The following MAP2 variants were observed in gnomAD, a reference collection of about 807,000 sequenced individuals.
MAP2 encodes the protein microtubule-associated protein 2.
In MAP2, 14 loss-of-function variants were observed where a neutral mutation model predicts 137.6. The observed-to-expected ratio is 0.10, with a 90% CI of 0.07 to 0.16. The LOEUF is 0.16. Among genes scored for constraint, MAP2 ranks in the 10% least tolerant of loss-of-function variants. The pLI, the probability that MAP2 is intolerant of heterozygous loss-of-function variation, is 1.00. For synonymous variants in MAP2, 786 were observed against 782.3 expected, an observed-to-expected ratio of 1.00 and a Z score of -0.08; for missense variants, 2,088 against 2,191.5, an observed-to-expected ratio of 0.95 and a Z score of 0.94.
At chr2:209,656,102 A>G (rs935430674) in intron 5 of MAP2, among the ~76,000 whole-genome samples, 1 of 152,080 alleles carries the variant, frequency 6.6e-6, no homozygotes, top group African/African-American at 2.4e-5. Context: ...CACTCCTTCA[A>G]TGTTCATCTT....
In MAP2 at chr2:209,732,021, T is replaced by C. The variant is rs2075840244; in HGVS notation, c.*1624T>C. On this transcript the variant is annotated 3_prime_UTR_variant, in exon 16 of 16. Coordinates refer to ENST00000682079, the MANE Select transcript of MAP2 (RefSeq NM_001375505.1). ...TACAAATAAGGAATGAAATAGTCAA[T>C]GGCCTGATTAAGGCAAAGAGCTACC... 6.6e-6 allele frequency: 1 copy of C among 152,244 alleles called. No individual in the cohort carries two copies. Among genetic ancestry groups the C allele is most frequent in the Non-Finnish European group, 1.5e-5 (1 of 68,050 alleles). The allele number at this position is 152,244 out of a possible 1,614,324, so 9.4% of individuals were successfully genotyped here. A position where few individuals can be genotyped will look rare whatever the true frequency, so the allele number is the denominator to read the frequency against.
chr2:209,446,596 A>C (rs1460756318), intron 1 of MAP2, among the ~76,000 whole-genome samples: 1 of 151,922 alleles, frequency 6.6e-6, no homozygotes, highest in Non-Finnish European at 1.5e-5. Flanking sequence ...CCAAGGAAAA[A>C]AATTTATGGT....
rs1009288233 is a variant in MAP2 at position 209,700,410 on chromosome 2, T to C, written c.4584+72T>C. On this transcript the variant is annotated intron_variant, in intron 11 of 15. Coordinates refer to ENST00000682079, the MANE Select transcript of MAP2 (RefSeq NM_001375505.1). The stretch of plus-strand genomic sequence containing the variant: ...GTATTAGCTGTAACATCAGAATAAC[T>C]TTTGATATTGTTTAGATATTTACTC... 3 of 1,204,648 alleles carry C rather than the reference T, an allele frequency of 2.5e-6. No individual in the cohort carries two copies. In the African/African-American group the frequency reaches 4.6e-5, roughly 18 times the overall value. The allele number at this position is 1,204,648 out of a possible 1,614,324, so 74.6% of individuals were successfully genotyped here.
At chr2:209,716,054 T>C (rs2067458910) in intron 13 of MAP2, among the ~76,000 whole-genome samples, 1 of 152,204 alleles carries the variant, frequency 6.6e-6, no homozygotes, top group African/African-American at 2.4e-5. Flanking sequence ...CTCTTGCTGA[T>C]ATTGTCGCAA....
intron 1 of MAP2, among the ~76,000 whole-genome samples, chr2:209,504,650 A>G (rs1422732976): frequency 1.3e-5 from 2 of 152,202 alleles, no homozygotes; most frequent in Non-Finnish European, 2.9e-5. Flanking sequence ...CTTATTTTAT[A>G]TTGTAGTAAA....
chr2:209,609,296 C>G (rs751054271), intron 3 of MAP2, among the ~76,000 whole-genome samples: 1 of 151,970 alleles, frequency 6.6e-6, no homozygotes, highest in Admixed American at 6.6e-5. Flanking sequence ...CATGAATTAA[C>G]ATATGTCATT....
At chr2:209,565,844 C>T (rs187575704) in intron 2 of MAP2, among the ~76,000 whole-genome samples, 2 of 152,244 alleles carry the variant, frequency 1.3e-5, no homozygotes, top group East Asian at 3.9e-4. Context: ...ATTGTTTTCT[C>T]TTGTTATTTG....
At chr2:209,508,396 G>A (rs2061331897) in intron 2 of MAP2, among the ~76,000 whole-genome samples, 1 of 151,772 alleles carries the variant, frequency 6.6e-6, no homozygotes, top group Admixed American at 6.6e-5. Context: ...TAACATAAAG[G>A]AAAACATTGG....
Position 209,580,082 on chromosome 2 carries a change from T to C in MAP2, c.-125T>C, listed in dbSNP as rs1215741259. 1 of 151,890 alleles carries C rather than the reference T, an allele frequency of 6.6e-6. No individual in the cohort carries two copies. The highest frequency in any genetic ancestry group is 2.4e-5 in the African/African-American group (1 of 41,372). The allele number at this position is 151,890 out of a possible 1,614,324, so 9.4% of individuals were successfully genotyped here. On this transcript the variant is annotated 5_prime_UTR_variant, in exon 3 of 16. Transcript: ENST00000682079. Reference sequence around the variant, plus strand: ...CGAGGAAGCATTGATTGGGAGCTACTCATTCAGAAAATTAAAAGGTACCAC... The same window carrying C: ...CGAGGAAGCATTGATTGGGAGCTACCCATTCAGAAAATTAAAAGGTACCAC...
intron 2 of MAP2, among the ~76,000 whole-genome samples, chr2:209,554,853 C>T (rs1212417665): frequency 6.7e-6 from 1 of 149,124 alleles, no homozygotes; most frequent in African/African-American, 2.4e-5. Flanking sequence ...TTTAAATACA[C>T]AGTAACTATC....
At chr2:209,680,995 T>C (rs1029292881) in intron 7 of MAP2, among the ~76,000 whole-genome samples, 168 bp downstream of exon 7, 2 of 152,134 alleles carry the variant, frequency 1.3e-5, no homozygotes, top group African/African-American at 4.8e-5. Flanking sequence ...TAATCACTTA[T>C]TTTTATAAAA....
rs77726487 is a variant in MAP2, at chr2:209,683,742, C to A, written c.454+2915C>A. The stretch of plus-strand genomic sequence containing the variant: ...GGGGATTATTTACCCTCCTTGATAC[C>A]CTCAAAGCAACTTTAATCTGAGGGT... On this transcript the variant is annotated intron_variant, in intron 7 of 15. Transcript: ENST00000682079. Among the ~76,000 whole-genome samples, 180 of 152,120 alleles carry A rather than the reference C, an allele frequency of 1.2e-3. No individual in the cohort carries two copies. In the East Asian group the frequency reaches 0.016, roughly 14 times the overall value.
chr2:209,530,251 A>G (rs1057407946), intron 2 of MAP2, among the ~76,000 whole-genome samples: 1 of 152,130 alleles, frequency 6.6e-6, no homozygotes, highest in African/African-American at 2.4e-5. Context: ...CTGACTAGTC[A>G]CATATACTTC....
chr2:209,528,351 T>C (rs1290608293), intron 2 of MAP2, among the ~76,000 whole-genome samples: 2 of 152,220 alleles, frequency 1.3e-5, no homozygotes, highest in Admixed American at 1.3e-4. Flanking sequence ...GTAGATATTA[T>C]ATAGTCTTCT....
chr2:209,635,269 CATT>C (rs1436030844), intron 4 of MAP2, among the ~76,000 whole-genome samples: 1 of 151,970 alleles, frequency 6.6e-6, no homozygotes, highest in East Asian at 1.9e-4. Flanking sequence ...TAGAAAACCT[CATT>C]ATGGAAAAAA....
At chr2:209,528,764 A>G (rs548347348) in intron 2 of MAP2, among the ~76,000 whole-genome samples, 7 of 150,704 alleles carry the variant, frequency 4.6e-5, no homozygotes, top group South Asian at 2.1e-4. Context: ...ATGTATGTAT[A>G]TATGTATATG....
chr2:209,617,459 A>C (rs76542313), intron 3 of MAP2, among the ~76,000 whole-genome samples: 1 of 152,068 alleles, frequency 6.6e-6, no homozygotes, highest in Admixed American at 6.5e-5. Flanking sequence ...AGCGTGATCA[A>C]ATGTCAAGGG....
chr2:209,626,140 G>A (rs553566130), intron 4 of MAP2, among the ~76,000 whole-genome samples: 39 of 152,072 alleles, frequency 2.6e-4, no homozygotes, highest in African/African-American at 8.0e-4. Context: ...ATTATAGGCC[G>A]GGTGTGGTGG....
In MAP2 at chr2:209,704,575, A is replaced by G. The variant is rs142525091; in HGVS notation, c.4585-1005A>G. 4.8e-5 allele frequency: 77 copies of G among 1,611,232 alleles called. 1 individual carries two copies. In the African/African-American group the frequency reaches 9.9e-4, roughly 21 times the overall value. On this transcript the variant is annotated intron_variant, in intron 11 of 15. Coordinates refer to ENST00000682079, the MANE Select transcript of MAP2 (RefSeq NM_001375505.1). ...ACAGTTTATTAATACAGCCCACCTCAGCAGGCTCCACAGACCGTTTGCCAT... is the reference window on the plus strand; with the variant it reads ...ACAGTTTATTAATACAGCCCACCTCGGCAGGCTCCACAGACCGTTTGCCAT...
Sources: allele counts gnomAD v4.1 joint callset (sites outside exome capture counted in the v4.1 genomes callset), GRCh38; gene constraint gnomAD v4.1.1; transcripts MANE v1.5; gene names NCBI Gene and HGNC (gene_info 2026-07-23, HGNC 2026-07-21).